TMEM132E: variants seen among roughly 807,000 people sequenced by gnomAD.
TMEM132E encodes transmembrane protein 132E.
TMEM132E carries 49 observed loss-of-function variants against 78.5 expected under a neutral mutation model. The observed-to-expected ratio is 0.62, with a 90% CI of 0.50 to 0.79. The LOEUF (loss-of-function observed/expected upper bound fraction) is 0.79. Among genes scored for constraint, TMEM132E ranks in the 30% least tolerant of loss-of-function variants. TMEM132E has a pLI of 0.00. For synonymous variants in TMEM132E, 715 were observed against 670.6 expected (o/e 1.07, Z -1.02); for missense variants, 1,403 against 1,470.9 (o/e 0.95, Z 0.75).
chr17:34,625,849 G>T (rs576764224), intron 1 of TMEM132E, among the ~76,000 whole-genome samples: 1 of 152,192 alleles, frequency 6.6e-6, no homozygotes, highest in Non-Finnish European at 1.5e-5. Context: ...GTTTTGCGAC[G>T]GTATTATCTT....
intron 5 of TMEM132E, among the ~76,000 whole-genome samples, chr17:34,630,364 T>C (rs1201998198): frequency 6.6e-6 from 1 of 152,102 alleles, no homozygotes; most frequent in Non-Finnish European, 1.5e-5. Flanking sequence ...CACCACACCA[T>C]TCTGAAAGGG....
At chr17:34,599,566 T>G (rs1174397842) in intron 1 of TMEM132E, among the ~76,000 whole-genome samples, 2 of 152,248 alleles carry the variant, frequency 1.3e-5, no homozygotes. Flanking sequence ...TGGATTCAGA[T>G]GCAGGGAAAG....
intron 1 of TMEM132E, among the ~76,000 whole-genome samples, chr17:34,615,682 G>A (rs1316453587): frequency 6.6e-6 from 1 of 151,784 alleles, no homozygotes; most frequent in Admixed American, 6.6e-5. Flanking sequence ...AAAACAGCAG[G>A]GTCTCCACCC....
chr17:34,632,330 C>T (rs751384884), intron 5 of TMEM132E, among the ~76,000 whole-genome samples: 1 of 152,234 alleles, frequency 6.6e-6, no homozygotes, highest in African/African-American at 2.4e-5. Flanking sequence ...ACCTGCCAGA[C>T]CCCTGGCTCC....
chr17:34,635,501 T>G (rs1352393610), intron 7 of TMEM132E, among the ~76,000 whole-genome samples: 3 of 152,214 alleles, frequency 2.0e-5, no homozygotes, highest in Non-Finnish European at 2.9e-5. Context: ...AGAATCTGCC[T>G]GCAGACATAT....
chr17:34,633,364 A>G (rs1907414338), intron 6 of TMEM132E, among the ~76,000 whole-genome samples: 1 of 152,256 alleles, frequency 6.6e-6, no homozygotes, highest in African/African-American at 2.4e-5. Context: ...AGACAAAATG[A>G]AGCAGACACA....
intron 1 of TMEM132E, among the ~76,000 whole-genome samples, chr17:34,583,725 G>A (rs977402484): frequency 7.2e-5 from 11 of 152,206 alleles, no homozygotes; most frequent in African/African-American, 2.7e-4. Context: ...TGGCGCCACC[G>A]GGCAGGGTGA....
Position 34,627,015 on chromosome 17 carries a change from C to G in TMEM132E, c.956C>G (p.Ser319Cys), listed in dbSNP as rs1243962719. The change falls in exon 2 of 9, where the codon TCC becomes TGC. Residue 319 changes from serine to cysteine, a missense_variant. Coordinates refer to ENST00000631683, the MANE Select transcript of TMEM132E (RefSeq NM_001304438.2). The stretch of plus-strand genomic sequence containing the variant: ...ATCCTCCTCTATCTGGCCCCCAACT[C>G]CTCCTCGCCCTCCAGCCCCAGCGTG... Reference protein sequence around the residue: ...LSILLYLAPNSSSPSSPSVEH... With the variant: ...LSILLYLAPNCSSPSSPSVEH... 5 of 1,613,788 alleles carry G rather than the reference C, an allele frequency of 3.1e-6. No homozygotes were observed. The highest frequency in any genetic ancestry group is 2.5e-6 in the Non-Finnish European group (3 of 1,180,006).
Position 34,626,635 on chromosome 17 carries a change from G to T in TMEM132E, c.576G>T (p.Arg192=). 2.7e-6 allele frequency: 4 copies of T among 1,461,538 alleles called. No individual in the cohort carries two copies. The highest frequency in any genetic ancestry group is 2.7e-6 in the Non-Finnish European group (3 of 1,110,318). The allele number at this position is 1,461,538 out of a possible 1,614,324, so 90.5% of individuals were successfully genotyped here. A position where few individuals can be genotyped will look rare whatever the true frequency, so the allele number is the denominator to read the frequency against. ...GGGGCCTGGCCACTTGTCTGGTGCG[G>T]GCAGAGCTGCCCCTGGCCTGGTTCG... ...LSGGLATCLV[R]AELPLAWFGP... Residue 192 remains arginine, a synonymous_variant, in exon 2 of 9, where the codon CGG becomes CGT. Coordinates refer to ENST00000631683, the MANE Select transcript of TMEM132E (RefSeq NM_001304438.2).
chr17:34,612,831 C>G (rs193154898), intron 1 of TMEM132E, among the ~76,000 whole-genome samples: 21 of 152,166 alleles, frequency 1.4e-4, no homozygotes, highest in East Asian at 5.8e-4. Context: ...TTTGGGGAAG[C>G]CTTTCAGCCT....
At chr17:34,605,722 C>T (rs1053868061) in intron 1 of TMEM132E, among the ~76,000 whole-genome samples, 3 of 152,158 alleles carry the variant, frequency 2.0e-5, no homozygotes, top group East Asian at 3.9e-4. Context: ...GTTTATTTCT[C>T]GTGAGTCGAC....
Position 34,634,897 on chromosome 17 carries a change from AGGTCTTCACCCAGT to A in TMEM132E, c.1788_1801del (p.Gln596HisfsTer10). 1 of 1,614,152 alleles carries A rather than the reference AGGTCTTCACCCAGT, an allele frequency of 6.2e-7. No homozygotes were observed. The highest frequency in any genetic ancestry group is 8.5e-7 in the Non-Finnish European group (1 of 1,180,034). ...CTGCAGTACCAGCATGCCACCCTGC[AGGTCTTCACCCAGT>A]TCCACACGACATCATCCGAGGGCAC... On this transcript the variant is annotated frameshift_variant, in exon 7 of 9. Transcript: ENST00000631683. LOFTEE classifies it high-confidence loss of function.
At chr17:34,582,163 CG>C (rs1400110532) in intron 1 of TMEM132E, among the ~76,000 whole-genome samples, 1 of 112,154 alleles carries the variant, frequency 8.9e-6, no homozygotes. Flanking sequence ...GGTTGGGGGG[CG>C]GGGGTGTTTC....
chr17:34,631,525 G>A (rs151235116), intron 5 of TMEM132E, among the ~76,000 whole-genome samples: 39 of 152,322 alleles, frequency 2.6e-4, no homozygotes, highest in African/African-American at 8.2e-4. Flanking sequence ...AATATACTCA[G>A]GTCTTTACGG....
At chr17:34,627,702 C>T (rs1271323234) in intron 2 of TMEM132E, among the ~76,000 whole-genome samples, 1 of 152,176 alleles carries the variant, frequency 6.6e-6, no homozygotes, top group East Asian at 1.9e-4. Flanking sequence ...ACTCTGAGGA[C>T]ACCCACCAAA....
rs1049030461 is a variant in TMEM132E at position 34,604,182 on chromosome 17, C to T, written c.68-21945C>T. ...GTAACATGTCCAAGGTCACACAGCA[C>T]TGATAACAGTGGGGCTGGGACCAAG... On this transcript the variant is annotated intron_variant, in intron 1 of 8. Coordinates refer to ENST00000631683, the MANE Select transcript of TMEM132E (RefSeq NM_001304438.2). Among the ~76,000 whole-genome samples, 7 of 152,204 alleles carry T rather than the reference C, an allele frequency of 4.6e-5. No individual in the cohort carries two copies. In the South Asian group the frequency reaches 8.3e-4, roughly 18 times the overall value.
chr17:34,629,299 A>G, intron 4 of TMEM132E, 95 bp downstream of exon 4: 1 of 1,366,196 alleles, frequency 7.3e-7, no homozygotes, highest in Non-Finnish European at 1.0e-6. Context: ...TATATGTACA[A>G]ATTGACATGT....
rs892730703 is a variant in TMEM132E, at chr17:34,629,913, G to GT, written c.1339-94dup. ...CACTGGAAGGATGTGCATCTGAGGA[G>GT]TGGGGGGGGAGCGTCCAGGAGCTGG... On this transcript the variant is annotated intron_variant, in intron 4 of 8. Transcript: ENST00000631683. The GT allele has an allele frequency of 8.3e-4, 962 of 1,163,724 alleles. 7 individuals are homozygous for GT. Among genetic ancestry groups the GT allele is most frequent in the South Asian group, 5.7e-3 (316 of 55,776 alleles). The allele number at this position is 1,163,724 out of a possible 1,614,324, so 72.1% of individuals were successfully genotyped here.
rs1412534240 is a variant in TMEM132E, at chr17:34,626,816, G to A, written c.757G>A (p.Gly253Arg). The A allele has an allele frequency of 1.5e-5, 23 of 1,536,014 alleles. No homozygotes were observed. The highest frequency in any genetic ancestry group is 1.1e-4 in the South Asian group (9 of 84,466). ...CTGCGGGGGCTCCCGCCGGGGGGCC[G>A]GGCCCGGGGTGGGGGCCCGAGCGGA... ...GGCGGSRRGA[G>R]PGVGARAESP... is the part of the protein sequence containing the mutation. The change falls in exon 2 of 9, where the codon GGG becomes AGG. Residue 253 changes from glycine (G) to arginine (R), a missense_variant. By Grantham distance (125) the Gly-to-Arg change is moderately radical (BLOSUM62 -2). This residue lies in a region of TMEM132E where 511 missense variants were observed against 499.0 expected (regional missense o/e 1.02). Coordinates refer to ENST00000631683, the MANE Select transcript of TMEM132E (RefSeq NM_001304438.2).
Sources: allele counts gnomAD v4.1 joint callset (sites outside exome capture counted in the v4.1 genomes callset), GRCh38; gene constraint gnomAD v4.1.1; regional missense constraint gnomAD v4.1.1; transcripts MANE v1.5; gene names NCBI Gene and HGNC (gene_info 2026-07-23, HGNC 2026-07-21).